KIF20A: variants seen among roughly 807,000 people sequenced by gnomAD.
KIF20A encodes kinesin family member 20A.
Under a neutral mutation model 113.0 loss-of-function variants are expected in KIF20A, and 66 were observed. The ratio of observed to expected loss-of-function variants is 0.58; its 90% confidence interval spans 0.48 to 0.72. The LOEUF is 0.72. Among genes scored for constraint, KIF20A ranks in the 30% least tolerant of loss-of-function variants. The pLI is 0.00. For synonymous variants in KIF20A, 376 were observed against 402.3 expected (o/e 0.93, Z 0.78); for missense variants, 927 against 1,077.6 (o/e 0.86, Z 1.96).
chr5:138,181,473 C>G lies in KIF20A; in HGVS notation c.217C>G (p.Pro73Ala), dbSNP rs372749091. Reference protein sequence around the residue: ...EKVKVYLRVRPLLPSELERQE... With the variant: ...EKVKVYLRVRALLPSELERQE... ...GGTGAAAGTATACTTGAGGGTTAGG[C>G]CCTTGTTACCTTCAGAGTTGGAACG... The change falls in exon 3 of 19, where the codon CCC becomes GCC. Residue 73 changes from proline (P) to alanine (A), a missense_variant. By Grantham distance (27) the Pro-to-Ala change is conservative (BLOSUM62 -1). Coordinates refer to ENST00000394894, the MANE Select transcript of KIF20A (RefSeq NM_005733.3). The G allele has an allele frequency of 6.2e-7, 1 of 1,614,042 alleles. No homozygotes were observed. The highest frequency in any genetic ancestry group is 1.3e-5 in the African/African-American group (1 of 74,928).
At position 138,187,219 on chromosome 5, in the gene KIF20A, A is replaced by C. The variant is rs17234961; in HGVS notation, c.2479A>C (p.Lys827Gln). ...GAAACTCCAAGGCCAGGTTTCTGCC[A>C]AAAAGCGCCTTGGTACCAACCAGGA... is the stretch of plus-strand genomic sequence containing the variant. Reference protein sequence around the residue: ...VLKLQGQVSAKKRLGTNQENQ... With the variant: ...VLKLQGQVSAQKRLGTNQENQ... Residue 827 changes from lysine to glutamine, a missense_variant, in exon 19 of 19, where the codon AAA becomes CAA. Lys to Gln is a moderately conservative substitution (Grantham distance 53). Coordinates refer to ENST00000394894, the MANE Select transcript of KIF20A (RefSeq NM_005733.3). 2.4e-4 allele frequency: 394 copies of C among 1,614,208 alleles called. 4 individuals are homozygous for C. The East Asian group carries it at 6.7e-3, about 28-fold the overall frequency.
In KIF20A at chr5:138,183,837, CTA is replaced by C. The variant is rs1754700265; in HGVS notation, c.1208+83_1208+84del. Reference sequence around the variant, plus strand: ...AGCATGGAGGAGGTCCTCAGGGGAACTATGTGTTCTCCTTCTTTGGGTACAGA... The same window carrying C: ...AGCATGGAGGAGGTCCTCAGGGGAACTGTGTTCTCCTTCTTTGGGTACAGA... On this transcript the variant is annotated intron_variant, in intron 10 of 18. Transcript: ENST00000394894. This position sits in a 1 kb window ranked among gnomAD's most constrained non-coding sequence, Gnocchi z 5.2. 6.4e-7 allele frequency: 1 copy of C among 1,568,138 alleles called. No individual in the cohort carries two copies. Among genetic ancestry groups the C allele is most frequent in the Admixed American group, 1.7e-5 (1 of 58,724 alleles).
chr5:138,180,761 C>T (rs1415588983), intron 2 of KIF20A, among the ~76,000 whole-genome samples: 2 of 152,120 alleles, frequency 1.3e-5, no homozygotes, highest in Admixed American at 6.6e-5. Flanking sequence ...CTGCAACCTC[C>T]GCCTCCCGGG....
chr5:138,185,042 GT>G (rs1754722648), intron 14 of KIF20A, 52 bp from the exon 15 acceptor site: 14 of 1,592,692 alleles, frequency 8.8e-6, no homozygotes, highest in Non-Finnish European at 1.2e-5. Context: ...TGTTCCCCAA[GT>G]TCACTCCTCA....
intron 18 of KIF20A, 118 bp downstream of exon 18, chr5:138,186,549 G>A (rs1754749122): frequency 1.8e-6 from 2 of 1,106,638 alleles, no homozygotes; most frequent in Admixed American, 6.3e-5. Flanking sequence ...TATAGTGAGA[G>A]CAGTATATTT....
chr5:138,179,500 G>C (rs1754598380), intron 1 of KIF20A, 160 bp from the exon 2 acceptor site: 1 of 603,784 alleles, frequency 1.7e-6, no homozygotes, highest in Non-Finnish European at 2.9e-6. Context: ...TTCATTAAGT[G>C]AACTTCTCTC....
chr5:138,181,790 T>G (rs1191130787), intron 4 of KIF20A, 62 bp downstream of exon 4: 2 of 1,575,810 alleles, frequency 1.3e-6, no homozygotes, highest in Non-Finnish European at 1.7e-6. Context: ...TATTCCCTCT[T>G]TAGAGGGAAA....
chr5:138,187,285 T>C lies in KIF20A; in HGVS notation c.2545T>C (p.Phe849Leu). The part of the protein sequence containing the change: ...PNQQPPGKKP[F>L]LRNLLPRTPT... ...CCAACAACCACCAGGGAAGAAACCA[T>C]TCCTTCGAAATTTACTTCCCCGAAC... Residue 849 changes from phenylalanine (F) to leucine (L), a missense_variant, in exon 19 of 19, where the codon TTC (phenylalanine) becomes CTC (leucine). Physicochemically the swap from Phe to Leu is conservative, Grantham distance 22 (BLOSUM62 0). Transcript: ENST00000394894. The C allele has an allele frequency of 6.2e-7, 1 of 1,614,120 alleles. No individual in the cohort carries two copies. Among genetic ancestry groups the C allele is most frequent in the Non-Finnish European group, 8.5e-7 (1 of 1,180,002 alleles).
Position 138,183,470 on chromosome 5 carries a change from A to C in KIF20A, c.1028A>C (p.Asp343Ala). 1 of 1,614,026 alleles carries C rather than the reference A, an allele frequency of 6.2e-7. No individual in the cohort carries two copies. Residue 343 changes from aspartate to alanine, a missense_variant and splice_region_variant, in exon 9 of 19, where the codon GAT (aspartate) becomes GCT (alanine). Transcript: ENST00000394894. This position sits in a 1 kb window ranked among gnomAD's most constrained non-coding sequence, Gnocchi z 5.2. ...TTACACCCCTCTCCTTTGGCCCCAG[A>C]TCTCAACTGGATTCATGTGCAAGAT... is the stretch of plus-strand genomic sequence containing the variant. ...EDQNGNPYVK[D>A]LNWIHVQDAE...
At position 138,182,926 on chromosome 5, in the gene KIF20A, C is replaced by T; in HGVS notation, c.768C>T (p.Ser256=). 6.2e-7 allele frequency: 1 copy of T among 1,614,172 alleles called. No homozygotes were observed. The highest frequency in any genetic ancestry group is 8.5e-7 in the Non-Finnish European group (1 of 1,180,030). The change falls in exon 7 of 19, where the codon AGC becomes AGT. Residue 256 remains serine (S), a synonymous_variant. Transcript: ENST00000394894. ...AAAGTCGGATAGGTACCAGCACCAG[C>T]TTCGACAGTGGCATTGCTGGGCTCT... The part of the protein sequence containing the change: ...YIESRIGTST[S]FDSGIAGLSS...
chr5:138,186,068 C>T lies in KIF20A; in HGVS notation c.2217+16C>T. On this transcript the variant is annotated intron_variant, in intron 17 of 18. Coordinates refer to ENST00000394894, the MANE Select transcript of KIF20A (RefSeq NM_005733.3). ...GGGCCAGAAGGTAATTACCACCATT[C>T]TCTGTTTACCAAACTCTTACCTAAG... 1 of 1,606,352 alleles carries T rather than the reference C, an allele frequency of 6.2e-7. No homozygotes were observed. Among genetic ancestry groups the T allele is most frequent in the Non-Finnish European group, 8.5e-7 (1 of 1,173,264 alleles).
intron 15 of KIF20A, 102 bp downstream of exon 15, chr5:138,185,299 A>G: frequency 3.4e-6 from 3 of 871,510 alleles, no homozygotes; most frequent in Admixed American, 4.3e-5. Flanking sequence ...GGGCAGGAAT[A>G]TATAACTCCC....
At chr5:138,187,061 A>G in intron 18 of KIF20A, 35 bp from the exon 19 acceptor site, 1 of 1,540,090 alleles carries the variant, frequency 6.5e-7, no homozygotes, top group African/African-American at 1.4e-5. Context: ...ATACCAGACA[A>G]AAGTGTTTTC....
chr5:138,183,432 G>A lies in KIF20A; in HGVS notation c.1028-38G>A. On this transcript the variant is annotated intron_variant, in intron 8 of 18. Transcript: ENST00000394894. This position sits in a 1 kb window ranked among gnomAD's most constrained non-coding sequence, Gnocchi z 5.2. Reference sequence around the variant, plus strand: ...CTGGGGAGAGACTGGCAAAAGAGTTGGATGTTCCCATCTTACACCCCTCTC... The same window carrying A: ...CTGGGGAGAGACTGGCAAAAGAGTTAGATGTTCCCATCTTACACCCCTCTC... The A allele has an allele frequency of 2.5e-6, 4 of 1,611,492 alleles. No individual in the cohort carries two copies. The highest frequency in any genetic ancestry group is 3.4e-6 in the Non-Finnish European group (4 of 1,177,702).
rs373041750 is a variant in KIF20A at position 138,182,864 on chromosome 5, G to A, written c.706G>A (p.Glu236Lys). 162 of 1,614,146 alleles carry A rather than the reference G, an allele frequency of 1.0e-4. No homozygotes were observed. The Middle Eastern group carries it at 1.3e-3, about 13-fold the overall frequency. ...SLLNGGLQEE[E>K]LSTSLKRSVY... ...CCTTCTCCCTGTGCCCCTCCAGGAG[G>A]AGCTGTCCACTTCCTTGAAGAGGAG... The change falls in exon 7 of 19, where the codon GAG becomes AAG. Residue 236 changes from glutamate to lysine, a missense_variant. Glu to Lys is a moderately conservative substitution (Grantham distance 56). Coordinates refer to ENST00000394894, the MANE Select transcript of KIF20A (RefSeq NM_005733.3).
At position 138,179,824 on chromosome 5, in the gene KIF20A, C is replaced by G. The variant is rs1754612899; in HGVS notation, c.144C>G (p.Thr48=). The G allele has an allele frequency of 6.2e-7, 1 of 1,614,026 alleles. No homozygotes were observed. Among genetic ancestry groups the G allele is most frequent in the Non-Finnish European group, 8.5e-7 (1 of 1,180,008 alleles). ...NLLSDCSVVS[T]SLEDKQQVPS... ...TATCAGACTGCTCTGTCGTCTCTAC[C>G]TCCCTAGAGGACAAGCAGCAGGTAA... The change falls in exon 2 of 19, where the codon ACC becomes ACG. Residue 48 remains threonine (T), a synonymous_variant. Transcript: ENST00000394894.
At chr5:138,185,890 C>T in intron 16 of KIF20A, 71 bp from the exon 17 acceptor site, 2 of 1,410,778 alleles carry the variant, frequency 1.4e-6, no homozygotes, top group Non-Finnish European at 2.0e-6. Context: ...CTACTGTTAC[C>T]TCAGTTAAAG....
At position 138,184,621 on chromosome 5, in the gene KIF20A, C is replaced by A; in HGVS notation, c.1628C>A (p.Thr543Lys). ...PSLEKGAKADTGLDDDIENEA... is the reference protein window; with the variant it reads ...PSLEKGAKADKGLDDDIENEA... ...TTAGAGAAAGGGGCTAAGGCAGACA[C>A]AGGCCTTGATGATGATATTGAAAAT... is the stretch of plus-strand genomic sequence containing the variant. Residue 543 changes from threonine to lysine, a missense_variant, in exon 13 of 19, where the codon ACA becomes AAA. Coordinates refer to ENST00000394894, the MANE Select transcript of KIF20A (RefSeq NM_005733.3). 6.2e-7 allele frequency: 1 copy of A among 1,614,152 alleles called. No homozygotes were observed. The highest frequency in any genetic ancestry group is 2.2e-5 in the East Asian group (1 of 44,888).
chr5:138,181,983 T>C (rs900799675), intron 4 of KIF20A: 3 of 577,300 alleles, frequency 5.2e-6, no homozygotes, highest in East Asian at 2.9e-5. Flanking sequence ...GTAATATTGC[T>C]GAAGCCATGT....
Sources: gnomAD v4.1 joint callset for allele counts (sites outside exome capture counted in the v4.1 genomes callset) on GRCh38, gnomAD v4.1.1 for gene constraint, Gnocchi (gnomAD v3.1) non-coding constraint, MANE v1.5 for transcripts, NCBI Gene and HGNC (gene_info 2026-07-23, HGNC 2026-07-21) for gene names.